CSMD1: variants seen among roughly 807,000 people sequenced by gnomAD.
CSMD1 encodes CUB and Sushi multiple domains 1.
Under a neutral mutation model 417.5 loss-of-function variants are expected in CSMD1, and 213 were observed. The ratio of observed to expected loss-of-function variants is 0.51; its 90% CI spans 0.46 to 0.57. CSMD1 has a LOEUF of 0.57. Among genes scored for constraint, CSMD1 ranks in the 20% least tolerant of loss-of-function variants. CSMD1 has a pLI of 0.00. For missense variants in CSMD1, 6,923 were observed against 4,529.7 expected (o/e 1.53, Z -15.17); for synonymous variants, 2,862 against 1,736.8 (o/e 1.65, Z -16.11).
chr8:3,502,979 G>T (rs1005387438), intron 10 of CSMD1, among the ~76,000 whole-genome samples: 12 of 152,098 alleles, frequency 7.9e-5, no homozygotes, highest in Non-Finnish European at 1.3e-4. Context: ...TGGGGAGGTT[G>T]TGCATGTGTG....
chr8:4,206,342 C>T (rs549435482), intron 3 of CSMD1, among the ~76,000 whole-genome samples: 3 of 151,942 alleles, frequency 2.0e-5, no homozygotes, highest in African/African-American at 7.3e-5. Flanking sequence ...TATCCCTTTC[C>T]CCTCCCCCCA....
intron 3 of CSMD1, among the ~76,000 whole-genome samples, chr8:4,071,868 T>C (rs1799576499): frequency 1.3e-5 from 2 of 152,160 alleles, no homozygotes; most frequent in African/African-American, 4.8e-5. Context: ...AACTCCTCTG[T>C]CCTCAGCTAC....
At chr8:3,995,255 T>C (rs1337304735) in intron 5 of CSMD1, among the ~76,000 whole-genome samples, 2 of 152,344 alleles carry the variant, frequency 1.3e-5, no homozygotes, top group East Asian at 3.9e-4. Context: ...GAACCATCTT[T>C]TGCTTTTCAG....
intron 3 of CSMD1, among the ~76,000 whole-genome samples, chr8:4,318,329 G>C (rs1247484253): frequency 6.6e-6 from 1 of 151,900 alleles, no homozygotes; most frequent in African/African-American, 2.4e-5. Flanking sequence ...TTACCATTAG[G>C]TCATCCATCC....
chr8:4,218,542 T>A (rs1800827646), intron 3 of CSMD1, among the ~76,000 whole-genome samples: 1 of 152,208 alleles, frequency 6.6e-6, no homozygotes, highest in African/African-American at 2.4e-5. Context: ...CACATTTGAA[T>A]TTGTTTCTGA....
chr8:4,823,449 G>C (rs923170876), intron 1 of CSMD1, among the ~76,000 whole-genome samples: 1 of 151,728 alleles, frequency 6.6e-6, no homozygotes, highest in African/African-American at 2.4e-5. Flanking sequence ...TCACTCACTG[G>C]TAAAATGGGG....
At chr8:4,020,205 T>G (rs776823408) in intron 4 of CSMD1, among the ~76,000 whole-genome samples, 4 of 152,192 alleles carry the variant, frequency 2.6e-5, no homozygotes, top group Non-Finnish European at 4.4e-5. Flanking sequence ...CATAAAAATC[T>G]TGAGGCCAGA....
intron 3 of CSMD1, among the ~76,000 whole-genome samples, chr8:4,267,932 C>G (rs915213101): frequency 1.3e-5 from 2 of 151,880 alleles, no homozygotes; most frequent in Non-Finnish European, 1.5e-5. Flanking sequence ...TTATTCATGC[C>G]TCATATATAT....
At chr8:3,936,617 G>C (rs908438719) in intron 5 of CSMD1, among the ~76,000 whole-genome samples, 3 of 152,134 alleles carry the variant, frequency 2.0e-5, no homozygotes, top group Non-Finnish European at 4.4e-5. Context: ...GGCCACTGTT[G>C]AGACGTACTG....
chr8:3,750,709 G>A (rs1462995727), intron 6 of CSMD1, among the ~76,000 whole-genome samples: 1 of 152,128 alleles, frequency 6.6e-6, no homozygotes, highest in East Asian at 1.9e-4. Flanking sequence ...CAAACTTGAT[G>A]ATCTTACTCG....
chr8:3,337,613 A>G (rs1305114597), intron 23 of CSMD1, among the ~76,000 whole-genome samples: 1 of 152,078 alleles, frequency 6.6e-6, no homozygotes, highest in Admixed American at 6.6e-5. Context: ...TATCCACAAA[A>G]CCAGCGCCTG....
At chr8:4,301,359 C>A (rs34251603) in intron 3 of CSMD1, among the ~76,000 whole-genome samples, 2 of 152,110 alleles carry the variant, frequency 1.3e-5, no homozygotes, top group Non-Finnish European at 2.9e-5. Context: ...TTGACTGTAC[C>A]ACTTCCAGCC....
At chr8:3,475,105 C>T (rs1817330185) in intron 11 of CSMD1, among the ~76,000 whole-genome samples, 1 of 152,114 alleles carries the variant, frequency 6.6e-6, no homozygotes, top group South Asian at 2.1e-4. Flanking sequence ...CTTGTATGGA[C>T]TGTCAACTCT....
intron 26 of CSMD1, among the ~76,000 whole-genome samples, chr8:3,271,752 C>G (rs1286187933): frequency 6.6e-6 from 1 of 151,980 alleles, no homozygotes; most frequent in Non-Finnish European, 1.5e-5. Context: ...CTGTTCATGT[C>G]CTTTGCCCAC....
chr8:4,021,936 A>G (rs1796808084), intron 4 of CSMD1, among the ~76,000 whole-genome samples: 1 of 151,864 alleles, frequency 6.6e-6, no homozygotes, highest in Admixed American at 6.6e-5. Flanking sequence ...AGCTCTTTTG[A>G]TCTTTATTTT....
At chr8:4,610,073 A>G (rs34428168) in intron 2 of CSMD1, among the ~76,000 whole-genome samples, 5 of 151,338 alleles carry the variant, frequency 3.3e-5, no homozygotes, top group South Asian at 2.1e-4. Context: ...AATTCTTGCT[A>G]TAAGGATGCT....
At chr8:4,977,169 CTTG>C (rs1347598434) in intron 1 of CSMD1, among the ~76,000 whole-genome samples, 2 of 152,086 alleles carry the variant, frequency 1.3e-5, no homozygotes, top group Non-Finnish European at 2.9e-5. Context: ...TGAACTTTTC[CTTG>C]TTAACTATTT....
At chr8:3,209,210 G>C (rs560233354) in intron 30 of CSMD1, among the ~76,000 whole-genome samples, 1 of 152,240 alleles carries the variant, frequency 6.6e-6, no homozygotes, top group African/African-American at 2.4e-5. Context: ...CTAAGCACCA[G>C]AACTACAATG....
intron 49 of CSMD1, among the ~76,000 whole-genome samples, chr8:3,080,118 C>T (rs1813978143): frequency 6.6e-6 from 1 of 152,212 alleles, no homozygotes; most frequent in South Asian, 2.1e-4. Context: ...AAAGCCACAG[C>T]TGATAGAAGG....
Sources: gnomAD v4.1 joint callset for allele counts (sites outside exome capture counted in the v4.1 genomes callset) on GRCh38, gnomAD v4.1.1 for gene constraint, MANE v1.5 for transcripts, NCBI Gene and HGNC (gene_info 2026-07-23, HGNC 2026-07-21) for gene names.